The following GPR89A variants were observed in gnomAD, a reference collection of about 807,000 sequenced individuals.
GPR89A encodes G protein-coupled receptor 89A.
A neutral mutation model predicts 52.0 loss-of-function variants in GPR89A; 16 were observed. That is an observed-to-expected ratio of 0.31 (90% CI 0.21 to 0.47). GPR89A has a LOEUF of 0.47. Among genes scored for constraint, GPR89A ranks in the 20% least tolerant of loss-of-function variants. GPR89A has a pLI of 1.00. For missense variants in GPR89A, 135 were observed against 449.4 expected, an observed-to-expected ratio of 0.30 and a Z score of 6.33; for synonymous variants, 55 against 150.9, an observed-to-expected ratio of 0.36 and a Z score of 4.66.
intron 3 of GPR89A, among the ~76,000 whole-genome samples, chr1:145,620,297 C>CA (rs1246437424): frequency 6.6e-6 from 1 of 152,160 alleles, no homozygotes; most frequent in Non-Finnish European, 1.5e-5. Context: ...AATATATAAA[C>CA]AAACGAGCAT....
rs782172827 is a variant in GPR89A, at chr1:145,647,879, C to CTATATA, written c.909+639_909+644dup. ...TCTCTCTCTCTCTCTCTCTCTCTCT[C>CTATATA]TATATATATATATATATATATATAT... On this transcript the variant is annotated intron_variant, in intron 10 of 13. Transcript: ENST00000313835. Among the ~76,000 whole-genome samples, 19 of 24,662 alleles carry CTATATA rather than the reference C, an allele frequency of 7.7e-4. 1 individual carries two copies. The highest frequency in any genetic ancestry group is 3.8e-3 in the South Asian group (2 of 526). The allele number at this position is 24,662 out of a possible 152,430, so 16.2% of individuals were successfully genotyped here. A position where few individuals can be genotyped will look rare whatever the true frequency, so the allele number is the denominator to read the frequency against.
intron 7 of GPR89A, among the ~76,000 whole-genome samples, chr1:145,641,144 A>G (rs1269611051): frequency 1.3e-5 from 2 of 151,420 alleles, no homozygotes; most frequent in African/African-American, 2.5e-5. Context: ...ACACCCCAAC[A>G]ATTGCACTCC....
chr1:145,659,020 A>T (rs1652003620), intron 10 of GPR89A, among the ~76,000 whole-genome samples: 3 of 151,874 alleles, frequency 2.0e-5, no homozygotes, highest in Admixed American at 2.0e-4. Context: ...CAGGTGATCC[A>T]CTAGCCTCGG....
At chr1:145,614,509 T>C (rs1194999953) in intron 1 of GPR89A, among the ~76,000 whole-genome samples, 2 of 152,082 alleles carry the variant, frequency 1.3e-5, no homozygotes, top group African/African-American at 2.4e-5. Flanking sequence ...GAATAAACCA[T>C]CTTTTATGTA....
intron 12 of GPR89A, among the ~76,000 whole-genome samples, chr1:145,666,683 C>T (rs1652584927): frequency 6.7e-6 from 1 of 149,952 alleles, no homozygotes; most frequent in Admixed American, 6.6e-5. Context: ...AGGTATATCT[C>T]CTAATGCTGT....
rs1302404425 is a variant in GPR89A at position 145,624,700 on chromosome 1, A to G, written c.415+986A>G. Among the ~76,000 whole-genome samples, 17 of 126,414 alleles carry G rather than the reference A, an allele frequency of 1.3e-4. 1 individual carries two copies. The South Asian group carries it at 3.3e-3, about 25-fold the overall frequency. The allele number at this position is 126,414 out of a possible 152,430, so 82.9% of individuals were successfully genotyped here. On this transcript the variant is annotated intron_variant, in intron 5 of 13. Coordinates refer to ENST00000313835, the MANE Select transcript of GPR89A (RefSeq NM_001097612.2). ...CTTAACTGCTATATAGTGAAGAGAA[A>G]TACCCAACTATGCCACAATACTAAA...
intron 8 of GPR89A, chr1:145,645,518 T>C (rs1650922293): frequency 2.2e-6 from 1 of 451,004 alleles, no homozygotes; most frequent in Non-Finnish European, 4.4e-6. Flanking sequence ...ATAATAACTC[T>C]ACCTGATTGA....
intron 10 of GPR89A, among the ~76,000 whole-genome samples, chr1:145,657,523 C>T (rs1351998406): frequency 3.9e-5 from 6 of 151,980 alleles, no homozygotes; most frequent in Non-Finnish European, 7.4e-5. Flanking sequence ...GAAGTACTGC[C>T]ACCTCTTTAA....
At chr1:145,614,562 C>T (rs587719224) in intron 1 of GPR89A, among the ~76,000 whole-genome samples, 5 of 151,910 alleles carry the variant, frequency 3.3e-5, no homozygotes, top group East Asian at 1.9e-4. Flanking sequence ...GAGCCTGCTA[C>T]GTACCAGGCT....
intron 10 of GPR89A, among the ~76,000 whole-genome samples, chr1:145,649,853 A>G (rs1316496978): frequency 1.3e-5 from 2 of 151,960 alleles, no homozygotes; most frequent in Admixed American, 1.3e-4. Flanking sequence ...AATAGATACG[A>G]GGTGATATTG....
At chr1:145,648,487 C>CTTTT (rs782293369) in intron 10 of GPR89A, among the ~76,000 whole-genome samples, 4,315 of 147,042 alleles carry the variant, frequency 0.029, 186 homozygotes, top group African/African-American at 0.1. Context: ...GGAAGCATGT[C>CTTTT]TTTTTTTTTT....
intron 1 of GPR89A, among the ~76,000 whole-genome samples, chr1:145,610,062 A>G (rs1382855177): frequency 1.3e-5 from 2 of 151,994 alleles, no homozygotes; most frequent in African/African-American, 4.8e-5. Context: ...ATGAGGTCCA[A>G]GATACTGTCT....
intron 10 of GPR89A, among the ~76,000 whole-genome samples, chr1:145,655,587 C>A (rs1268140793): frequency 1.3e-5 from 2 of 152,162 alleles, no homozygotes; most frequent in African/African-American, 2.4e-5. Context: ...GCGGTCGAAT[C>A]CATACCCTAC....
chr1:145,614,278 C>T (rs1451604140), intron 1 of GPR89A, among the ~76,000 whole-genome samples: 1 of 152,120 alleles, frequency 6.6e-6, no homozygotes, highest in African/African-American at 2.4e-5. Flanking sequence ...CTGTCCTAAC[C>T]CCTTACAGAT....
rs7518742 is a variant in GPR89A at position 145,658,479 on chromosome 1, T to A, written c.910-4850T>A. 4.2e-3 allele frequency among the ~76,000 whole-genome samples: 631 copies of A among 150,778 alleles called. 6 individuals carry two copies. Among genetic ancestry groups the A allele is most frequent in the African/African-American group, 0.015 (614 of 40,982 alleles). On this transcript the variant is annotated intron_variant, in intron 10 of 13. Coordinates refer to ENST00000313835, the MANE Select transcript of GPR89A (RefSeq NM_001097612.2). ...CGACACACACACACACACACAAAAT[T>A]AATAGGGCATGGAAGTACATGCTTG...
intron 3 of GPR89A, 59 bp from the exon 4 acceptor site, chr1:145,622,995 G>C: frequency 6.3e-7 from 1 of 1,598,218 alleles, no homozygotes; most frequent in East Asian, 2.2e-5. Flanking sequence ...GAAGACTAAA[G>C]AGAAAGAAAG....
In GPR89A at chr1:145,626,635, G is replaced by T. The variant is rs1649516845; in HGVS notation, c.415+2921G>T. Reference sequence around the variant, plus strand: ...CAGGACTGTCCCAACAACCAGTATGGTTGTTTATTGCTGTGGTGACCACAA... The same window carrying T: ...CAGGACTGTCCCAACAACCAGTATGTTTGTTTATTGCTGTGGTGACCACAA... On this transcript the variant is annotated intron_variant, in intron 5 of 13. Transcript: ENST00000313835. 2.0e-5 allele frequency among the ~76,000 whole-genome samples: 3 copies of T among 151,218 alleles called. No individual in the cohort carries two copies. The South Asian group carries it at 6.3e-4, about 32-fold the overall frequency.
At chr1:145,667,432 T>C (rs1652642490) in intron 12 of GPR89A, among the ~76,000 whole-genome samples, 1 of 152,176 alleles carries the variant, frequency 6.6e-6, no homozygotes, top group Admixed American at 6.5e-5. Context: ...TTTTTTTTCT[T>C]GTAAATTTGT....
rs1222399532 is a variant in GPR89A at position 145,664,519 on chromosome 1, A to G, written c.1006-1043A>G. Among the ~76,000 whole-genome samples the G allele has an allele frequency of 3.3e-5, 5 of 149,620 alleles. 1 individual carries two copies. Among genetic ancestry groups the G allele is most frequent in the Non-Finnish European group, 7.4e-5 (5 of 67,486 alleles). ...ATAAAAATTAGCTGGACATGGTGGC[A>G]TGCACCTGTAGTCCCAGCTATGCAG... On this transcript the variant is annotated intron_variant, in intron 11 of 13. Coordinates refer to ENST00000313835, the MANE Select transcript of GPR89A (RefSeq NM_001097612.2).
Sources: gnomAD v4.1 joint callset for allele counts (sites outside exome capture counted in the v4.1 genomes callset) on GRCh38, gnomAD v4.1.1 for gene constraint, MANE v1.5 for transcripts, NCBI Gene and HGNC (gene_info 2026-07-23, HGNC 2026-07-21) for gene names.